Variants in PIGN observed in about 807,000 individuals in gnomAD.
The protein encoded by PIGN is phosphatidylinositol glycan anchor biosynthesis class N, also known as GPI ethanolamine phosphate transferase 1.
PIGN carries 117 observed loss-of-function variants against 125.4 expected under a neutral mutation model. The observed-to-expected ratio is 0.93, with a 90% CI of 0.80 to 1.09. PIGN has a LOEUF of 1.09. Ranked by LOEUF, PIGN falls within the 50% of genes least tolerant of loss-of-function variation. The pLI, the probability that PIGN is intolerant of heterozygous loss-of-function variation, is 0.00. For synonymous variants in PIGN, 392 were observed against 377.8 expected, an observed-to-expected ratio of 1.04 and a Z score of -0.44; for missense variants, 1,075 against 1,094.9, an observed-to-expected ratio of 0.98 and a Z score of 0.26.
At chr18:62,057,026 G>A (rs943134586) in intron 30 of PIGN, among the ~76,000 whole-genome samples, 7 of 152,076 alleles carry the variant, frequency 4.6e-5, no homozygotes, top group Non-Finnish European at 7.4e-5. Flanking sequence ...CACCCCATCC[G>A]TGGAAAAACT....
chr18:62,148,153 A>G (rs1568229865), intron 8 of PIGN, 61 bp downstream of exon 8: 4 of 1,326,526 alleles, frequency 3.0e-6, no homozygotes, highest in Non-Finnish European at 4.0e-6. Context: ...ACTTTATAAT[A>G]AAAAGTTCAA....
intron 30 of PIGN, among the ~76,000 whole-genome samples, chr18:62,057,069 T>C (rs1372062302): frequency 6.6e-6 from 1 of 152,176 alleles, no homozygotes; most frequent in Non-Finnish European, 1.5e-5. Context: ...GGTGCCAAAA[T>C]GACTGGGGAC....
chr18:62,062,882 CTTTTTTTTTTTTT>C (rs71160811), intron 30 of PIGN, among the ~76,000 whole-genome samples: 3 of 21,068 alleles, frequency 1.4e-4, no homozygotes, highest in African/African-American at 2.4e-4. Context: ...TTGTATTCTG[CTTTTTTTTTTTTT>C]TTTTTTTTTT....
chr18:62,029,095 CTT>C (rs2030161384), intron 23 of PIGN, among the ~76,000 whole-genome samples: 1 of 152,220 alleles, frequency 6.6e-6, no homozygotes, highest in African/African-American at 2.4e-5. Context: ...CCTTCCATCT[CTT>C]TGTCTTCCTC....
chr18:62,147,722 G>A (rs952471429), intron 8 of PIGN, among the ~76,000 whole-genome samples: 21 of 152,032 alleles, frequency 1.4e-4, no homozygotes, highest in African/African-American at 4.8e-4. Flanking sequence ...TTTTACTTAT[G>A]GTCCTCAAAA....
intron 30 of PIGN, among the ~76,000 whole-genome samples, chr18:62,057,418 G>C (rs1020773227): frequency 6.6e-6 from 1 of 151,956 alleles, no homozygotes; most frequent in African/African-American, 2.4e-5. Context: ...CAGTATATTA[G>C]TCTATCAACA....
Position 62,143,325 on chromosome 18 carries a change from T to C in PIGN, c.944A>G (p.Lys315Arg), listed in dbSNP as rs754990805. 2.6e-6 allele frequency: 4 copies of C among 1,529,756 alleles called. No homozygotes were observed. In the East Asian group the frequency reaches 6.9e-5, roughly 26 times the overall value. 94.8% of individuals were successfully genotyped at this position (1,529,756 alleles called of 1,614,324 possible). A position where few individuals can be genotyped will look rare whatever the true frequency, so the allele number is the denominator to read the frequency against. ...FLKEWRLENW[K>R]RLDVNQADIA... is the part of the protein sequence containing the mutation. The stretch of plus-strand genomic sequence containing the variant: ...GGATACCTGATTGACATCTAGCCTC[T>C]TCCAATTCTCCAATCTCCACTCTGA... The change falls in exon 11 of 31, where the codon AAG becomes AGG. Residue 315 changes from lysine (K) to arginine (R), a missense_variant. This residue lies in a region of PIGN where 915 missense variants were observed against 908.7 expected (regional missense o/e 1.01). Transcript: ENST00000640252.
chr18:62,138,855 A>G, intron 13 of PIGN, 128 bp downstream of exon 13: 1 of 576,000 alleles, frequency 1.7e-6, no homozygotes, highest in Non-Finnish European at 3.1e-6. Flanking sequence ...AGTCAAATAC[A>G]TAAAATTTAA....
At chr18:62,095,152 T>TTA (rs2034125666) in intron 23 of PIGN, among the ~76,000 whole-genome samples, 1 of 152,356 alleles carries the variant, frequency 6.6e-6, no homozygotes, top group South Asian at 2.1e-4. Flanking sequence ...TGAGTGGTGT[T>TTA]TATTCACTGT....
chr18:62,071,890 ATATATATATATATATATAT>A (rs1568142282), intron 30 of PIGN, among the ~76,000 whole-genome samples: 1 of 129,668 alleles, frequency 7.7e-6, no homozygotes, highest in Non-Finnish European at 1.6e-5. Context: ...ATATATATAT[ATATATATATATATATATAT>A]AAATTTAACT....
At chr18:62,110,713 T>C (rs2034841573) in intron 16 of PIGN, among the ~76,000 whole-genome samples, 1 of 152,076 alleles carries the variant, frequency 6.6e-6, no homozygotes, top group African/African-American at 2.4e-5. Context: ...GCCTGACCTG[T>C]GAATTTAGGA....
intron 23 of PIGN, among the ~76,000 whole-genome samples, chr18:62,034,137 C>A (rs181619928): frequency 6.6e-6 from 1 of 152,190 alleles, no homozygotes; most frequent in South Asian, 2.1e-4. Context: ...TTGAAAGAGG[C>A]AGGGCTCTAG....
rs118131389 is a variant in PIGN, at chr18:62,046,566, C to T, written c.2673-587G>A. Reference sequence around the variant, plus strand: ...AGTTTCATCCCGAAACCATCCCTCACCCCCACATACACAGCGGCGTGTGGA... The same window carrying T: ...AGTTTCATCCCGAAACCATCCCTCATCCCCACATACACAGCGGCGTGTGGA... On this transcript the variant is annotated intron_variant, in intron 30 of 30. Transcript: ENST00000640252. Among the ~76,000 whole-genome samples, 1,447 of 148,992 alleles carry T rather than the reference C, an allele frequency of 9.7e-3. 65 individuals carry two copies. Among genetic ancestry groups the T allele is most frequent in the East Asian group, 0.071 (347 of 4,874 alleles).
intron 23 of PIGN, among the ~76,000 whole-genome samples, chr18:62,031,358 C>T (rs1217714365): frequency 6.6e-6 from 1 of 152,124 alleles, no homozygotes; most frequent in Non-Finnish European, 1.5e-5. Context: ...TGAGAACAGA[C>T]TAATACACAT....
At chr18:62,125,157 T>TGTTTGTACATGTGTATATAAATATACAC (rs2035478107) in intron 14 of PIGN, among the ~76,000 whole-genome samples, 2 of 100,694 alleles carry the variant, frequency 2.0e-5, no homozygotes, top group African/African-American at 3.6e-5. Flanking sequence ...TGTATATACA[T>TGTTTGTACATGTGTATATAAATATACAC]GTTTGTACAT....
chr18:62,137,055 G>A (rs2035958912), intron 14 of PIGN: 1 of 398,638 alleles, frequency 2.5e-6, no homozygotes, highest in Non-Finnish European at 4.4e-6. Flanking sequence ...TGAGTCAGTG[G>A]AGTGGGAGAA....
In PIGN at chr18:62,044,992, T is replaced by C. The variant is rs1209465891; in HGVS notation, c.*864A>G. 2 of 152,074 alleles carry C rather than the reference T, an allele frequency of 1.3e-5. No individual in the cohort carries two copies. The highest frequency in any genetic ancestry group is 2.1e-4 in the South Asian group (1 of 4,832). The allele number at this position is 152,074 out of a possible 1,614,324, so 9.4% of individuals were successfully genotyped here. ...ACCTTTAATATGAATTCTTATGATA[T>C]TGTCAGAAAGTTTAACAGGAGTTAT... On this transcript the variant is annotated 3_prime_UTR_variant, in exon 31 of 31. Transcript: ENST00000640252.
At chr18:62,062,512 C>T (rs557071539) in intron 30 of PIGN, among the ~76,000 whole-genome samples, 1 of 152,258 alleles carries the variant, frequency 6.6e-6, no homozygotes, top group African/African-American at 2.4e-5. Context: ...TTGTCTTCTT[C>T]TTATCCACTT....
At chr18:62,110,086 T>C in intron 16 of PIGN, 113 bp from the exon 17 acceptor site, 1 of 866,228 alleles carries the variant, frequency 1.2e-6, no homozygotes, top group Non-Finnish European at 1.8e-6. Flanking sequence ...ATGGTTATAC[T>C]ACTAGATGAT....
Sources: gnomAD v4.1 joint callset for allele counts (sites outside exome capture counted in the v4.1 genomes callset) on GRCh38, gnomAD v4.1.1 for gene constraint, gnomAD v4.1.1 regional missense constraint, MANE v1.5 for transcripts, NCBI Gene and HGNC (gene_info 2026-07-23, HGNC 2026-07-21) for gene names.